The following FBN2 variants were observed in gnomAD, a reference collection of about 807,000 sequenced individuals.
FBN2 encodes fibrillin-2.
A neutral mutation model predicts 355.6 loss-of-function variants in FBN2; 105 were observed. The ratio of observed to expected loss-of-function variants is 0.30; its 90% CI spans 0.25 to 0.35. The LOEUF (loss-of-function observed/expected upper bound fraction) is 0.35, where lower values mean the gene tolerates loss of function less well. FBN2 is among the 10% of genes least tolerant of loss of function. FBN2 has a pLI of 1.00. For synonymous variants in FBN2, 1,350 were observed against 1,301.2 expected (o/e 1.04, Z -0.81); for missense variants, 3,280 against 3,758.7 (o/e 0.87, Z 3.33).
chr5:128,475,910 T>A (rs1754996530), intron 5 of FBN2, among the ~76,000 whole-genome samples: 1 of 152,160 alleles, frequency 6.6e-6, no homozygotes, highest in African/African-American at 2.4e-5. Context: ...AACTTAATAA[T>A]AGCCTGAAAT....
At chr5:128,356,135 C>T (rs1486180131) in intron 20 of FBN2, among the ~76,000 whole-genome samples, 8 of 152,060 alleles carry the variant, frequency 5.3e-5, no homozygotes, top group African/African-American at 1.2e-4. Flanking sequence ...CACACCCCAC[C>T]GCCCCCCCAA....
rs951455196 is a variant in FBN2, at chr5:128,483,920, T to A, written c.629-18999A>T. On this transcript the variant is annotated intron_variant, in intron 5 of 64. Transcript: ENST00000262464. Reference sequence around the variant, plus strand: ...CTACTTAACCGCATATCAATCCCACTCTGGTGTCTGACTTCAGTGCTGTGT... The same window carrying A: ...CTACTTAACCGCATATCAATCCCACACTGGTGTCTGACTTCAGTGCTGTGT... Among the ~76,000 whole-genome samples the A allele has an allele frequency of 2.6e-5, 4 of 152,286 alleles. 1 individual carries two copies. The highest frequency in any genetic ancestry group is 9.6e-5 in the African/African-American group (4 of 41,564).
intron 43 of FBN2, 84 bp from the exon 44 acceptor site, chr5:128,305,720 T>G (rs1259954690): frequency 2.5e-6 from 4 of 1,600,018 alleles, no homozygotes; most frequent in Non-Finnish European, 3.4e-6. Context: ...GATGATCAAC[T>G]CTTGAAAAAT....
chr5:128,493,331 G>C (rs968523692), intron 5 of FBN2, among the ~76,000 whole-genome samples: 3 of 152,146 alleles, frequency 2.0e-5, no homozygotes, highest in Non-Finnish European at 4.4e-5. Context: ...TACTGTGGCT[G>C]GAGTTGTGTA....
At chr5:128,422,694 T>C (rs1028720129) in intron 7 of FBN2, among the ~76,000 whole-genome samples, 2 of 152,166 alleles carry the variant, frequency 1.3e-5, no homozygotes, top group Admixed American at 6.5e-5. Context: ...TATGTAGTAA[T>C]AGAACTGAAG....
chr5:128,346,707 G>C (rs182689150), intron 23 of FBN2, among the ~76,000 whole-genome samples: 1 of 152,244 alleles, frequency 6.6e-6, no homozygotes, highest in Admixed American at 6.5e-5. Context: ...GGGAGACTGA[G>C]GCAGCTGGAT....
chr5:128,309,103 G>C, intron 41 of FBN2, 144 bp downstream of exon 41: 1 of 776,768 alleles, frequency 1.3e-6, no homozygotes, highest in African/African-American at 1.7e-5. Context: ...AGGATCACTT[G>C]GGAAACAGAA....
intron 62 of FBN2, among the ~76,000 whole-genome samples, chr5:128,267,931 A>G (rs1002873654): frequency 6.6e-6 from 1 of 152,206 alleles, no homozygotes; most frequent in African/African-American, 2.4e-5. Context: ...AGAAAGCTAG[A>G]AAGATCTCAA....
rs116950008 is a variant in FBN2 at position 128,534,888 on chromosome 5, C to T, written c.337+1514G>A. Among the ~76,000 whole-genome samples the T allele has an allele frequency of 1.6e-4, 25 of 152,314 alleles. No homozygotes were observed. In the East Asian group the frequency reaches 4.2e-3, roughly 26 times the overall value. On this transcript the variant is annotated intron_variant, in intron 2 of 64. Coordinates refer to ENST00000262464, the MANE Select transcript of FBN2 (RefSeq NM_001999.4). ...TCAATAATGGCAGTCACATTCATTACATTTAGTGAGTCAGACTTTCCGCCG... is the reference window on the plus strand; with the variant it reads ...TCAATAATGGCAGTCACATTCATTATATTTAGTGAGTCAGACTTTCCGCCG...
chr5:128,286,211 A>G (rs1480141806), intron 55 of FBN2, among the ~76,000 whole-genome samples: 1 of 152,212 alleles, frequency 6.6e-6, no homozygotes, highest in Non-Finnish European at 1.5e-5. Flanking sequence ...AACAAATGAA[A>G]AGAAACTAAA....
At chr5:128,504,394 C>T (rs1256845317) in intron 5 of FBN2, among the ~76,000 whole-genome samples, 1 of 152,188 alleles carries the variant, frequency 6.6e-6, no homozygotes, top group Non-Finnish European at 1.5e-5. Context: ...AGAAAAGCCA[C>T]AGGCACTCAA....
At chr5:128,483,503 A>T (rs568490974) in intron 5 of FBN2, among the ~76,000 whole-genome samples, 1 of 151,500 alleles carries the variant, frequency 6.6e-6, no homozygotes, top group Non-Finnish European at 1.5e-5. Flanking sequence ...AGGTTGGCTG[A>T]GTTTTTTTTT....
rs1756899168 is a variant in FBN2 at position 128,537,728 on chromosome 5, G to C, written c.-125C>G. ...TCGTCGGCTCCGGGGACTCCCTCGG[G>C]CTCGGGCTCCCTGCTCTAGCTGGAG... On this transcript the variant is annotated 5_prime_UTR_variant, in exon 1 of 65. Coordinates refer to ENST00000262464, the MANE Select transcript of FBN2 (RefSeq NM_001999.4). 1 of 954,406 alleles carries C rather than the reference G, an allele frequency of 1.0e-6. No homozygotes were observed. The highest frequency in any genetic ancestry group is 1.6e-6 in the Non-Finnish European group (1 of 623,434). 59.1% of individuals were successfully genotyped at this position (954,406 alleles called of 1,614,324 possible).
intron 2 of FBN2, among the ~76,000 whole-genome samples, chr5:128,532,627 A>G (rs953964591): frequency 6.6e-6 from 1 of 152,190 alleles, no homozygotes; most frequent in African/African-American, 2.4e-5. Context: ...TTTCAAAGAG[A>G]TTTGGGACCC....
intron 9 of FBN2, 92 bp downstream of exon 9, chr5:128,395,030 C>T: frequency 1.4e-6 from 2 of 1,428,042 alleles, no homozygotes; most frequent in South Asian, 2.3e-5. Flanking sequence ...AAGCAATCCA[C>T]CTGCCTTGGT....
Position 128,273,923 on chromosome 5 carries a change from C to G in FBN2, c.7757G>C (p.Gly2586Ala), listed in dbSNP as rs1447205905. 2.5e-6 allele frequency: 4 copies of G among 1,613,824 alleles called. No homozygotes were observed. The highest frequency in any genetic ancestry group is 3.4e-6 in the Non-Finnish European group (4 of 1,179,832). The part of the protein sequence containing the change: ...GSQPSLCGAK[G>A]ICQNTPGSFS... The stretch of plus-strand genomic sequence containing the variant: ...ACTGCCTGGAGTGTTTTGACAGATT[C>G]CCTTTGCTCCACAAAGCGAAGGTTG... The change falls in exon 61 of 65, where the codon GGA becomes GCA. Residue 2586 changes from glycine (G) to alanine (A), a missense_variant. Physicochemically the swap from Gly to Ala is moderately conservative, Grantham distance 60. Around this residue, in one of 6 missense-constraint regions of FBN2, gnomAD observed 2,284 missense variants for 2,749.5 expected, o/e 0.83. Transcript: ENST00000262464.
intron 5 of FBN2, among the ~76,000 whole-genome samples, chr5:128,514,924 G>T (rs1418714276): frequency 6.6e-6 from 1 of 152,058 alleles, no homozygotes; most frequent in Non-Finnish European, 1.5e-5. Context: ...AATTCACTGG[G>T]TATAGAATTC....
chr5:128,349,417 G>A lies in FBN2; in HGVS notation c.2919C>T (p.Asn973=), dbSNP rs1561783685. ...PGVCPNGRCV[N]SKGSFHCECP... is the part of the protein sequence containing the mutation. ...ACTCGCAATGAAAAGATCCCTTACT[G>A]TTGACACAGCGTCCATTTGGACAAA... The change falls in exon 23 of 65, where the codon AAC becomes AAT. Residue 973 remains asparagine, a synonymous_variant. Coordinates refer to ENST00000262464, the MANE Select transcript of FBN2 (RefSeq NM_001999.4). The A allele has an allele frequency of 2.5e-6, 4 of 1,614,072 alleles. No individual in the cohort carries two copies. Among genetic ancestry groups the A allele is most frequent in the East Asian group, 4.5e-5 (2 of 44,884 alleles).
At chr5:128,263,983 G>A (rs2126796095) in intron 62 of FBN2, among the ~76,000 whole-genome samples, 1 of 152,108 alleles carries the variant, frequency 6.6e-6, no homozygotes, top group East Asian at 1.9e-4. Context: ...TTATATCTCG[G>A]GCAAATCCTT....
Sources: gnomAD v4.1 joint callset for allele counts (sites outside exome capture counted in the v4.1 genomes callset) on GRCh38, gnomAD v4.1.1 for gene constraint, gnomAD v4.1.1 regional missense constraint, MANE v1.5 for transcripts, NCBI Gene and HGNC (gene_info 2026-07-23, HGNC 2026-07-21) for gene names.